The following TRAK1 variants were observed in gnomAD, a reference collection of about 807,000 sequenced individuals.
TRAK1 encodes the protein trafficking kinesin-binding protein 1.
A neutral mutation model predicts 92.1 loss-of-function variants in TRAK1; 33 were observed. That is an observed-to-expected ratio of 0.36 (90% CI 0.27 to 0.48). The LOEUF is 0.48. Among genes scored for constraint, TRAK1 ranks in the 20% least tolerant of loss-of-function variants. The pLI is 0.99. For missense variants in TRAK1, 1,123 were observed against 1,257.9 expected, an observed-to-expected ratio of 0.89 and a Z score of 1.62; for synonymous variants, 521 against 517.3, an observed-to-expected ratio of 1.01 and a Z score of -0.10.
intron 1 of TRAK1, among the ~76,000 whole-genome samples, chr3:42,019,464 G>A (rs1701653820): frequency 2.0e-5 from 3 of 152,040 alleles, no homozygotes; most frequent in Non-Finnish European, 4.4e-5. Flanking sequence ...TTTTGTAGAG[G>A]TGAGGTCTTG....
At chr3:42,208,701 C>T (rs191761780) in intron 13 of TRAK1, among the ~76,000 whole-genome samples, 19 of 152,348 alleles carry the variant, frequency 1.2e-4, no homozygotes, top group Non-Finnish European at 2.2e-4. Context: ...AGAAGTCTCT[C>T]CTTTGAGCAT....
chr3:42,105,552 C>G (rs1707414326), intron 1 of TRAK1, among the ~76,000 whole-genome samples: 1 of 152,286 alleles, frequency 6.6e-6, no homozygotes, highest in East Asian at 1.9e-4. Flanking sequence ...ATTGGTGTAC[C>G]TGAAAGTGAT....
In TRAK1 at chr3:42,223,357, C is replaced by T. The variant is rs778956928; in HGVS notation, c.2482C>T (p.Arg828Cys). 81 of 1,614,084 alleles carry T rather than the reference C, an allele frequency of 5.0e-5. No homozygotes were observed. The highest frequency in any genetic ancestry group is 4.3e-4 in the South Asian group (39 of 91,082). ...GAGGGAAGTGAGAGAAAAGAACGTC[C>T]GCAGCAGCGAGAGCCAGACCGACGT... ...ILREVREKNV[R>C]SSESQTDVSV... The change falls in exon 16 of 16, where the codon CGC becomes TGC. Residue 828 changes from arginine (R) to cysteine (C), a missense_variant. By Grantham distance (180) the Arg-to-Cys change is radical. Transcript: ENST00000327628. The surrounding 1 kb of genome is among the most constrained non-coding windows in gnomAD (Gnocchi z 6.1).
chr3:42,055,619 T>A (rs1703174516), intron 1 of TRAK1, among the ~76,000 whole-genome samples: 1 of 152,206 alleles, frequency 6.6e-6, no homozygotes, highest in Non-Finnish European at 1.5e-5. Flanking sequence ...TGTGCCACCA[T>A]GCTCTGCTAA....
intron 1 of TRAK1, among the ~76,000 whole-genome samples, chr3:42,118,891 C>A (rs1381364215): frequency 2.0e-5 from 3 of 152,216 alleles, no homozygotes; most frequent in Non-Finnish European, 4.4e-5. Context: ...GGACTTTCCT[C>A]TATGCTGGAT....
Position 42,185,995 on chromosome 3 carries a change from TTTTTTG to T in TRAK1, c.480+1195_480+1200del, listed in dbSNP as rs1332545898. Among the ~76,000 whole-genome samples the T allele has an allele frequency of 3.4e-4, 11 of 32,458 alleles. 2 individuals are homozygous for T. Among genetic ancestry groups the T allele is most frequent in the South Asian group, 2.0e-3 (2 of 988 alleles). The allele number at this position is 32,458 out of a possible 152,430, so 21.3% of individuals were successfully genotyped here. A position where few individuals can be genotyped will look rare whatever the true frequency, so the allele number is the denominator to read the frequency against. On this transcript the variant is annotated intron_variant, in intron 4 of 15. Coordinates refer to ENST00000327628, the MANE Select transcript of TRAK1 (RefSeq NM_001042646.3). ...AGCCTTTTTTTTTTTTTTTTTTTTT[TTTTTTG>T]AGATAAGGTCTCACTCTGTCACTCA...
intron 2 of TRAK1, among the ~76,000 whole-genome samples, chr3:42,167,501 A>G (rs1253699571): frequency 1.3e-5 from 2 of 152,204 alleles, no homozygotes; most frequent in African/African-American, 2.4e-5. Context: ...ATTGTTTTCT[A>G]TTACCAAGTA....
intron 6 of TRAK1, among the ~76,000 whole-genome samples, chr3:42,189,332 T>C (rs1705341619): frequency 6.6e-6 from 1 of 152,146 alleles, no homozygotes; most frequent in Non-Finnish European, 1.5e-5. Context: ...CAGGCAAACC[T>C]GGTGAATGAC....
chr3:42,023,641 A>G (rs977010498), intron 1 of TRAK1, among the ~76,000 whole-genome samples: 1 of 151,638 alleles, frequency 6.6e-6, no homozygotes, highest in African/African-American at 2.4e-5. Flanking sequence ...AGTGAAGGAT[A>G]AGGCTGAGGT....
intron 1 of TRAK1, among the ~76,000 whole-genome samples, chr3:42,108,464 G>A (rs144213758): frequency 1.4e-4 from 20 of 148,038 alleles, no homozygotes; most frequent in Middle Eastern, 3.5e-3. Flanking sequence ...GCACTCCAGC[G>A]TGGGTGACAG....
intron 14 of TRAK1, chr3:42,218,833 C>A (rs574935559): frequency 1.0e-6 from 1 of 985,418 alleles, no homozygotes; most frequent in East Asian, 1.1e-4. Flanking sequence ...GCTCACACTG[C>A]TGTGTGTCAG....
intron 2 of TRAK1, chr3:42,146,271 C>G (rs1576612302): frequency 3.3e-6 from 1 of 300,180 alleles, no homozygotes; most frequent in African/African-American, 2.2e-5. Context: ...TATTGCCGTT[C>G]ACCCACTTGT....
intron 1 of TRAK1, among the ~76,000 whole-genome samples, chr3:42,024,168 T>A (rs1403624074): frequency 1.3e-5 from 2 of 152,102 alleles, no homozygotes; most frequent in Non-Finnish European, 2.9e-5. Context: ...TGTGTAGTGA[T>A]ATCCATGTGT....
At chr3:42,187,987 C>T (rs191271852) in intron 4 of TRAK1, 58 bp from the exon 5 acceptor site, 12 of 1,424,674 alleles carry the variant, frequency 8.4e-6, no homozygotes, top group South Asian at 6.9e-5. Context: ...GAATGTGAGT[C>T]GGGGGGGACA....
intron 2 of TRAK1, among the ~76,000 whole-genome samples, chr3:42,143,308 C>T (rs200644735): frequency 1.1e-4 from 15 of 139,250 alleles, no homozygotes; most frequent in East Asian, 2.1e-4. Flanking sequence ...TGTACCTCTT[C>T]TTTTTTTTTT....
chr3:42,159,383 G>T (rs368542389), intron 2 of TRAK1, among the ~76,000 whole-genome samples: 1 of 152,154 alleles, frequency 6.6e-6, no homozygotes, highest in African/African-American at 2.4e-5. Context: ...GTGATTCTCC[G>T]AGACGCTAGC....
chr3:42,089,464 G>A (rs990313856), upstream of TRAK1, among the ~76,000 whole-genome samples: 1 of 152,104 alleles, frequency 6.6e-6, no homozygotes, highest in African/African-American at 2.4e-5. Flanking sequence ...ATAGAGACCT[G>A]TAAGGAAGGG....
intron 1 of TRAK1, among the ~76,000 whole-genome samples, chr3:42,115,062 T>C (rs1353806483): frequency 5.3e-5 from 8 of 152,202 alleles, no homozygotes; most frequent in Non-Finnish European, 1.5e-5. Context: ...ATCAAAAGTA[T>C]TTTATCTTTT....
At chr3:42,147,173 T>C (rs1054625652) in intron 2 of TRAK1, among the ~76,000 whole-genome samples, 9 of 152,156 alleles carry the variant, frequency 5.9e-5, no homozygotes, top group African/African-American at 2.2e-4. Flanking sequence ...ATGTGTCAGA[T>C]AGCAGGGGCA....
Sources: allele counts gnomAD v4.1 joint callset (sites outside exome capture counted in the v4.1 genomes callset), GRCh38; gene constraint gnomAD v4.1.1; non-coding constraint Gnocchi (gnomAD v3.1); transcripts MANE v1.5; gene names NCBI Gene and HGNC (gene_info 2026-07-23, HGNC 2026-07-21).